HIVEP3: variants seen among roughly 807,000 people sequenced by gnomAD.
HIVEP3 encodes the protein transcription factor HIVEP3.
A neutral mutation model predicts 152.8 loss-of-function variants in HIVEP3; 49 were observed. That is an observed-to-expected ratio of 0.32 (90% CI 0.26 to 0.41). HIVEP3 has a LOEUF of 0.41. HIVEP3 is among the 10% of genes least tolerant of loss of function. The probability of loss-of-function intolerance (pLI) is 1.00; values close to 1 mark genes in which losing one functional copy is unlikely to be tolerated. For missense variants in HIVEP3, 2,790 were observed against 3,103.3 expected (o/e 0.90, Z 2.40); for synonymous variants, 1,269 against 1,289.0 (o/e 0.98, Z 0.33).
chr1:41,660,138 A>G (rs1176893765), intron 2 of HIVEP3, among the ~76,000 whole-genome samples: 1 of 152,076 alleles, frequency 6.6e-6, no homozygotes, highest in Admixed American at 6.5e-5. Context: ...TGTAGGAACA[A>G]ACTTGTGTGT....
intron 1 of HIVEP3, among the ~76,000 whole-genome samples, chr1:42,010,963 G>A (rs1052104637): frequency 6.6e-6 from 1 of 152,082 alleles, no homozygotes; most frequent in Non-Finnish European, 1.5e-5. Flanking sequence ...TCTGAACAAG[G>A]TCTCCCTCCT....
chr1:41,707,382 G>A (rs113012234), intron 1 of HIVEP3, among the ~76,000 whole-genome samples: 2,510 of 152,304 alleles, frequency 0.016, 30 homozygotes, highest in Non-Finnish European at 0.018. Context: ...TAAAAAGTGC[G>A]ACTTATGATT....
At chr1:41,524,947 A>G in intron 5 of HIVEP3, 37 bp from the exon 6 acceptor site, 4 of 1,578,564 alleles carry the variant, frequency 2.5e-6, no homozygotes, top group Non-Finnish European at 2.6e-6. Flanking sequence ...GGGAAAAAAA[A>G]GGAGAAGAGG....
intron 5 of HIVEP3, among the ~76,000 whole-genome samples, chr1:41,570,161 C>T (rs1644231113): frequency 1.3e-5 from 2 of 152,168 alleles, no homozygotes; most frequent in Admixed American, 1.3e-4. Context: ...GAGCCTGGGG[C>T]TGGGCCATGT....
chr1:42,007,031 T>C (rs1645463658), intron 1 of HIVEP3, among the ~76,000 whole-genome samples: 2 of 152,224 alleles, frequency 1.3e-5, no homozygotes, highest in South Asian at 2.1e-4. Flanking sequence ...GGACTATATG[T>C]GTTTCCACGT....
chr1:41,861,141 T>C (rs762243708), intron 1 of HIVEP3, among the ~76,000 whole-genome samples: 1 of 152,192 alleles, frequency 6.6e-6, no homozygotes, highest in Non-Finnish European at 1.5e-5. Flanking sequence ...ATGGGCAGAA[T>C]GGCTAATGAC....
At chr1:41,572,032 A>G in intron 5 of HIVEP3, among the ~76,000 whole-genome samples, 1 of 152,188 alleles carries the variant, frequency 6.6e-6, no homozygotes, top group Non-Finnish European at 1.5e-5. Context: ...AAGGGGGAGA[A>G]GGCGTCCAAG....
At chr1:41,788,246 T>A (rs1649483930) in intron 1 of HIVEP3, among the ~76,000 whole-genome samples, 1 of 152,144 alleles carries the variant, frequency 6.6e-6, no homozygotes, top group Non-Finnish European at 1.5e-5. Context: ...TGTGAGGCAG[T>A]GCAGGAACGC....
chr1:41,968,548 G>A (rs541023819), intron 1 of HIVEP3, among the ~76,000 whole-genome samples: 1 of 152,252 alleles, frequency 6.6e-6, no homozygotes, highest in Admixed American at 6.5e-5. Context: ...AGGCATTGAA[G>A]GAACATACCT....
chr1:41,631,556 C>T (rs992916221), intron 2 of HIVEP3, among the ~76,000 whole-genome samples: 2 of 152,110 alleles, frequency 1.3e-5, no homozygotes, highest in African/African-American at 4.8e-5. Context: ...AACCATATCG[C>T]ACTGCTGATT....
At chr1:41,954,438 TTC>T (rs1645128617) in intron 1 of HIVEP3, among the ~76,000 whole-genome samples, 1 of 152,222 alleles carries the variant, frequency 6.6e-6, no homozygotes, top group African/African-American at 2.4e-5. Flanking sequence ...AAAAACACAT[TTC>T]TCTCTGTCTC....
Position 41,617,300 on chromosome 1 carries a change from T to C in HIVEP3, c.-522+11449A>G, listed in dbSNP as rs149963530. Among the ~76,000 whole-genome samples, 203 of 152,348 alleles carry C rather than the reference T, an allele frequency of 1.3e-3. 1 individual carries two copies. Among genetic ancestry groups the C allele is most frequent in the African/African-American group, 4.6e-3 (192 of 41,578 alleles). The stretch of plus-strand genomic sequence containing the variant: ...CCAGAAGTGGAAACATGGATCAATG[T>C]GTGTGTTTTTGGTTAAAATACCTAT... On this transcript the variant is annotated intron_variant, in intron 3 of 8. Transcript: ENST00000372583.
In HIVEP3 at chr1:41,846,812, G is replaced by A. The variant is rs142174205; in HGVS notation, c.-801+71601C>T. Among the ~76,000 whole-genome samples the A allele has an allele frequency of 6.6e-4, 100 of 152,248 alleles. 1 individual carries two copies. In the East Asian group the frequency reaches 0.018, roughly 27 times the overall value. On this transcript the variant is annotated intron_variant, in intron 1 of 8. Coordinates refer to ENST00000372583, the MANE Select transcript of HIVEP3 (RefSeq NM_024503.5). ...CTCTTGCCTGGTGCCTTGCAACAGCGGCTCCTCCATAGATGGGTAATGAAA... is the reference window on the plus strand; with the variant it reads ...CTCTTGCCTGGTGCCTTGCAACAGCAGCTCCTCCATAGATGGGTAATGAAA...
intron 1 of HIVEP3, among the ~76,000 whole-genome samples, chr1:41,709,277 G>A (rs546448128): frequency 6.6e-6 from 1 of 152,324 alleles, no homozygotes; most frequent in African/African-American, 2.4e-5. Flanking sequence ...TAAGTCCCTT[G>A]TAGTTAGCTT....
chr1:41,669,065 G>A lies in HIVEP3; in HGVS notation c.-721+31851C>T, dbSNP rs114975050. Among the ~76,000 whole-genome samples the A allele has an allele frequency of 5.9e-5, 9 of 152,184 alleles. No individual in the cohort carries two copies. In the South Asian group the frequency reaches 6.2e-4, roughly 11 times the overall value. On this transcript the variant is annotated intron_variant, in intron 2 of 8. Transcript: ENST00000372583. ...TAGTCCAGTCAGCCATGTACCTTCCGGCCTGAAAACAAGCCCTCTGAGAGC... is the reference window on the plus strand; with the variant it reads ...TAGTCCAGTCAGCCATGTACCTTCCAGCCTGAAAACAAGCCCTCTGAGAGC...
chr1:41,684,884 A>G (rs1646091984), intron 2 of HIVEP3, among the ~76,000 whole-genome samples: 1 of 152,244 alleles, frequency 6.6e-6, no homozygotes, highest in Non-Finnish European at 1.5e-5. Flanking sequence ...CACACAGCTC[A>G]TGGCCAGACG....
chr1:41,654,661 T>C (rs1260520517), intron 2 of HIVEP3, among the ~76,000 whole-genome samples: 3 of 152,258 alleles, frequency 2.0e-5, no homozygotes, highest in African/African-American at 7.2e-5. Context: ...AATGTCCTTT[T>C]TCTGTTCCAG....
At chr1:41,949,022 T>A (rs376355449) in intron 1 of HIVEP3, among the ~76,000 whole-genome samples, 9 of 152,300 alleles carry the variant, frequency 5.9e-5, no homozygotes, top group African/African-American at 1.9e-4. Flanking sequence ...CTCACCTGTG[T>A]AAAATTTAGC....
At chr1:42,030,684 A>G (rs1317802484) in intron 1 of HIVEP3, among the ~76,000 whole-genome samples, 5 of 152,214 alleles carry the variant, frequency 3.3e-5, no homozygotes, top group Non-Finnish European at 7.3e-5. Flanking sequence ...AGGCCCAAGC[A>G]TCAGAAAATC....
Sources: allele counts gnomAD v4.1 joint callset (sites outside exome capture counted in the v4.1 genomes callset), GRCh38; gene constraint gnomAD v4.1.1; transcripts MANE v1.5; gene names NCBI Gene and HGNC (gene_info 2026-07-23, HGNC 2026-07-21).